Variants in TMEM132C observed in about 807,000 individuals in gnomAD.
The protein encoded by TMEM132C is protein phosphatase 1, regulatory subunit 152.
A neutral mutation model predicts 61.4 loss-of-function variants in TMEM132C; 29 were observed. That is an observed-to-expected ratio of 0.47 (90% CI 0.35 to 0.64). The LOEUF (loss-of-function observed/expected upper bound fraction) is 0.64. TMEM132C is among the 30% of genes least tolerant of loss of function. TMEM132C has a pLI of 0.00. For missense variants in TMEM132C, 1,408 were observed against 1,476.9 expected (o/e 0.95, Z 0.76); for synonymous variants, 656 against 633.1 (o/e 1.04, Z -0.54).
At chr12:128,412,041 T>C (rs1349130319) in intron 1 of TMEM132C, among the ~76,000 whole-genome samples, 1 of 152,252 alleles carries the variant, frequency 6.6e-6, no homozygotes, top group Non-Finnish European at 1.5e-5. Flanking sequence ...CATTCAATGT[T>C]TGTCTATGAT....
Position 128,415,743 on chromosome 12 carries a change from T to A in TMEM132C, c.974+123T>A. 8.3e-7 allele frequency: 1 copy of A among 1,210,018 alleles called. No homozygotes were observed. Among genetic ancestry groups the A allele is most frequent in the Non-Finnish European group, 1.1e-6 (1 of 892,774 alleles). 75.0% of individuals were successfully genotyped at this position (1,210,018 alleles called of 1,614,324 possible). A position where few individuals can be genotyped will look rare whatever the true frequency, so the allele number is the denominator to read the frequency against. ...ACTACCTTCAGGGACCGTTTGGCAT[T>A]AACAGGGGAAGGCAAATTATGCACC... On this transcript the variant is annotated intron_variant, in intron 2 of 8. Coordinates refer to ENST00000435159, the MANE Select transcript of TMEM132C (RefSeq NM_001136103.3). The surrounding 1 kb of genome is among the most constrained non-coding windows in gnomAD (Gnocchi z 5.8).
At chr12:128,588,962 G>C (rs1327534971) in intron 3 of TMEM132C, among the ~76,000 whole-genome samples, 1 of 152,186 alleles carries the variant, frequency 6.6e-6, no homozygotes, top group Non-Finnish European at 1.5e-5. Context: ...TGCCGCTGCT[G>C]ATTTTATGAG....
chr12:128,606,742 T>G (rs1876441026), intron 3 of TMEM132C, among the ~76,000 whole-genome samples: 1 of 152,192 alleles, frequency 6.6e-6, no homozygotes, highest in African/African-American at 2.4e-5. Flanking sequence ...CTGCCACAGA[T>G]GGACACACCT....
rs1054500821 is a variant in TMEM132C at position 128,669,651 on chromosome 12, C to A, written c.1449+91C>A. ...GGGACATTTAGACTGAAATACATGA[C>A]GTTCAACTATACAGAGGCTTATGTG... On this transcript the variant is annotated intron_variant, in intron 5 of 8. Coordinates refer to ENST00000435159, the MANE Select transcript of TMEM132C (RefSeq NM_001136103.3). The A allele has an allele frequency of 1.3e-5, 19 of 1,449,212 alleles. No homozygotes were observed. In the South Asian group the frequency reaches 2.4e-4, roughly 18 times the overall value. 89.8% of individuals were successfully genotyped at this position (1,449,212 alleles called of 1,614,324 possible).
At chr12:128,440,277 G>T (rs1403861500) in intron 2 of TMEM132C, among the ~76,000 whole-genome samples, 4 of 152,214 alleles carry the variant, frequency 2.6e-5, no homozygotes, top group Non-Finnish European at 4.4e-5. Context: ...AACATAAGAT[G>T]AATTAGGTGC....
Position 128,495,899 on chromosome 12 carries a change from C to T in TMEM132C, c.975-48058C>T, listed in dbSNP as rs541602584. Among the ~76,000 whole-genome samples the T allele has an allele frequency of 1.8e-4, 28 of 152,158 alleles. No individual in the cohort carries two copies. In the South Asian group the frequency reaches 5.4e-3, roughly 29 times the overall value. ...TATGATGTTAGCTGGTTATTTTGCT[C>T]GTTAGTTGATGCATTTTCTTCCTAG... On this transcript the variant is annotated intron_variant, in intron 2 of 8. Coordinates refer to ENST00000435159, the MANE Select transcript of TMEM132C (RefSeq NM_001136103.3).
chr12:128,640,784 G>A (rs1339444921), intron 4 of TMEM132C, among the ~76,000 whole-genome samples: 1 of 152,148 alleles, frequency 6.6e-6, no homozygotes, highest in Non-Finnish European at 1.5e-5. Flanking sequence ...CTACTGGGGA[G>A]GCTGAGGTAG....
chr12:128,322,898 C>A (rs1872380723), intron 1 of TMEM132C, among the ~76,000 whole-genome samples: 1 of 151,892 alleles, frequency 6.6e-6, no homozygotes, highest in Non-Finnish European at 1.5e-5. Context: ...AGGAATAGGC[C>A]CAGGGAAGAT....
At chr12:128,282,544 C>G (rs972504450) in intron 1 of TMEM132C, among the ~76,000 whole-genome samples, 1 of 152,180 alleles carries the variant, frequency 6.6e-6, no homozygotes, top group Admixed American at 6.5e-5. Context: ...CCACTACCCC[C>G]CTCCTCATGA....
chr12:128,586,559 C>T (rs1187918722), intron 3 of TMEM132C, among the ~76,000 whole-genome samples: 2 of 152,098 alleles, frequency 1.3e-5, no homozygotes, highest in African/African-American at 4.8e-5. Flanking sequence ...AATAAAACTG[C>T]CAAGCTGCTG....
chr12:128,534,685 C>T (rs921999503), intron 2 of TMEM132C, among the ~76,000 whole-genome samples: 1 of 152,206 alleles, frequency 6.6e-6, no homozygotes, highest in African/African-American at 2.4e-5. Context: ...ACTCTGGTTG[C>T]AAAACTTCTG....
chr12:128,370,278 A>G (rs1873991175), intron 1 of TMEM132C, among the ~76,000 whole-genome samples: 1 of 152,178 alleles, frequency 6.6e-6, no homozygotes, highest in South Asian at 2.1e-4. Flanking sequence ...AGCAACAGTC[A>G]TAGGTGTGTT....
intron 3 of TMEM132C, among the ~76,000 whole-genome samples, chr12:128,554,166 C>A (rs1435927185): frequency 6.6e-6 from 1 of 152,236 alleles, no homozygotes; most frequent in African/African-American, 2.4e-5. Context: ...GGACTGAATG[C>A]TGAGAGGCTG....
At chr12:128,549,770 A>G (rs968390146) in intron 3 of TMEM132C, among the ~76,000 whole-genome samples, 2 of 152,124 alleles carry the variant, frequency 1.3e-5, no homozygotes, top group Non-Finnish European at 1.5e-5. Context: ...GCGCTCTCCA[A>G]ATGCTTTGCA....
chr12:128,366,074 A>G (rs532051201), intron 1 of TMEM132C, among the ~76,000 whole-genome samples: 2 of 152,240 alleles, frequency 1.3e-5, no homozygotes, highest in South Asian at 2.1e-4. Context: ...CTGTGAATGC[A>G]CTTCCCTTTG....
At chr12:128,392,216 G>A (rs1874791448) in intron 1 of TMEM132C, among the ~76,000 whole-genome samples, 1 of 152,200 alleles carries the variant, frequency 6.6e-6, no homozygotes, top group Non-Finnish European at 1.5e-5. Flanking sequence ...GGGGAGGTGG[G>A]TTGTCACTGC....
At chr12:128,578,878 G>T (rs149097941) in intron 3 of TMEM132C, among the ~76,000 whole-genome samples, 3,871 of 152,180 alleles carry the variant, frequency 0.025, 66 homozygotes, top group Non-Finnish European at 0.038. Flanking sequence ...GATTAGAGGC[G>T]TGAGCCACCA....
intron 5 of TMEM132C, among the ~76,000 whole-genome samples, chr12:128,692,567 G>A (rs1055416444): frequency 1.3e-5 from 2 of 152,104 alleles, no homozygotes; most frequent in Non-Finnish European, 2.9e-5. Flanking sequence ...TAATTTCCAG[G>A]GGATTTAACT....
At chr12:128,327,266 G>C (rs566451718) in intron 1 of TMEM132C, among the ~76,000 whole-genome samples, 13 of 150,242 alleles carry the variant, frequency 8.7e-5, no homozygotes, top group Non-Finnish European at 1.5e-4. Context: ...TATTTGAAGA[G>C]ACTTATTCTG....
Sources: allele counts gnomAD v4.1 joint callset (sites outside exome capture counted in the v4.1 genomes callset), GRCh38; gene constraint gnomAD v4.1.1; non-coding constraint Gnocchi (gnomAD v3.1); transcripts MANE v1.5; gene names NCBI Gene and HGNC (gene_info 2026-07-23, HGNC 2026-07-21).